IFT74: variants seen among roughly 807,000 people sequenced by gnomAD.
The protein encoded by IFT74 is intraflagellar transport protein 74 homolog.
A neutral mutation model predicts 96.7 loss-of-function variants in IFT74; 92 were observed. The observed-to-expected ratio is 0.95, with a 90% CI of 0.80 to 1.13. IFT74 has a LOEUF of 1.13. Ranked by LOEUF, IFT74 falls within the 50% of genes most tolerant of loss-of-function variation. IFT74 has a pLI of 0.00. For missense variants in IFT74, 811 were observed against 698.2 expected (o/e 1.16, Z -1.82); for synonymous variants, 223 against 213.2 (o/e 1.05, Z -0.40).
chr9:27,032,048 A>G (rs1296384507), intron 13 of IFT74, among the ~76,000 whole-genome samples: 2 of 152,156 alleles, frequency 1.3e-5, no homozygotes, highest in African/African-American at 4.8e-5. Flanking sequence ...TACATTGAAT[A>G]AATTCTATAA....
intron 1 of IFT74, among the ~76,000 whole-genome samples, chr9:26,958,128 TACAA>T (rs1340782806): frequency 1.3e-5 from 2 of 152,188 alleles, no homozygotes; most frequent in Non-Finnish European, 2.9e-5. Context: ...ATTTAAAAGA[TACAA>T]GAGAGAACAA....
intron 1 of IFT74, among the ~76,000 whole-genome samples, chr9:26,947,817 T>C (rs1018180165): frequency 6.6e-6 from 1 of 152,200 alleles, no homozygotes; most frequent in South Asian, 2.1e-4. Context: ...TTTAAAGGTA[T>C]AACTACTTTT....
At position 26,969,794 on chromosome 9, in the gene IFT74, C is replaced by T. The variant is rs565647537; in HGVS notation, c.120+7707C>T. 1.3e-3 allele frequency among the ~76,000 whole-genome samples: 197 copies of T among 152,110 alleles called. 1 individual carries two copies. Among genetic ancestry groups the T allele is most frequent in the Non-Finnish European group, 2.5e-3 (172 of 67,960 alleles). ...GCGTTTTTGTGATACTGTATATCCA[C>T]CTTTAATTTCTATGTTGAAGACCCC... On this transcript the variant is annotated intron_variant, in intron 2 of 19. Coordinates refer to ENST00000380062, the MANE Select transcript of IFT74 (RefSeq NM_025103.4).
intron 8 of IFT74, among the ~76,000 whole-genome samples, chr9:27,005,918 C>T (rs1405399057): frequency 6.6e-6 from 1 of 152,134 alleles, no homozygotes; most frequent in Non-Finnish European, 1.5e-5. Context: ...CGGCTCAATG[C>T]AACCTCCACC....
At chr9:26,993,049 A>T (rs1329026690) in intron 8 of IFT74, 1 of 152,226 alleles carries the variant, frequency 6.6e-6, no homozygotes, top group Admixed American at 6.5e-5. Context: ...TGAACTAATG[A>T]TTCTCTTCTA....
chr9:27,051,695 G>C (rs2131694317), intron 16 of IFT74, among the ~76,000 whole-genome samples: 1 of 152,296 alleles, frequency 6.6e-6, no homozygotes, highest in Middle Eastern at 3.4e-3. Context: ...TTTTGGGACT[G>C]ACTTAGTTCA....
intron 12 of IFT74, among the ~76,000 whole-genome samples, chr9:27,019,530 A>T (rs756898824): frequency 6.6e-6 from 1 of 151,926 alleles, no homozygotes; most frequent in African/African-American, 2.4e-5. Context: ...AAACTAAGAC[A>T]AATGGAATAT....
intron 15 of IFT74, 65 bp downstream of exon 15, chr9:27,047,436 A>G (rs759900910): frequency 6.4e-6 from 6 of 943,220 alleles, no homozygotes; most frequent in Non-Finnish European, 9.7e-6. Context: ...TCCAAATACA[A>G]CTCAAAAAAT....
chr9:27,022,555 A>G (rs1829660440), intron 12 of IFT74, among the ~76,000 whole-genome samples: 1 of 152,070 alleles, frequency 6.6e-6, no homozygotes, highest in Non-Finnish European at 1.5e-5. Context: ...CTTTTGGGTT[A>G]GGCATATTCC....
chr9:27,028,144 C>G (rs927657685), intron 12 of IFT74, among the ~76,000 whole-genome samples: 25 of 152,064 alleles, frequency 1.6e-4, no homozygotes, highest in African/African-American at 5.6e-4. Flanking sequence ...CAATTTTAGT[C>G]CATTGATATA....
chr9:27,020,571 T>A (rs1829553752), intron 12 of IFT74, among the ~76,000 whole-genome samples: 1 of 151,230 alleles, frequency 6.6e-6, no homozygotes, highest in Admixed American at 6.6e-5. Flanking sequence ...TCCTCCCAGG[T>A]TCATGCCATT....
chr9:26,975,076 G>A (rs1827050415), intron 2 of IFT74, among the ~76,000 whole-genome samples: 3 of 147,798 alleles, frequency 2.0e-5, no homozygotes, highest in Admixed American at 1.4e-4. Context: ...CCAAAGTCAG[G>A]GTTATAAGGA....
intron 4 of IFT74, among the ~76,000 whole-genome samples, chr9:26,983,286 A>G (rs984911964): frequency 6.6e-6 from 1 of 152,226 alleles, no homozygotes; most frequent in African/African-American, 2.4e-5. Flanking sequence ...GAAAGGAAAT[A>G]TAGTTATTCC....
intron 13 of IFT74, among the ~76,000 whole-genome samples, chr9:27,043,977 C>T (rs1819586734): frequency 6.6e-6 from 1 of 152,178 alleles, no homozygotes; most frequent in Admixed American, 6.5e-5. Context: ...TATTTCATCT[C>T]CCTGGTTAAA....
chr9:26,995,659 G>T lies in IFT74; in HGVS notation c.587+5464G>T, dbSNP rs778861881. ...TTGTTTCTGGTATCTGTGAAAGAGA[G>T]CTTGGATTTCCAGTAAAACCATCTT... is the stretch of plus-strand genomic sequence containing the variant. On this transcript the variant is annotated intron_variant, in intron 8 of 19. Transcript: ENST00000380062. The T allele has an allele frequency of 3.1e-6, 5 of 1,613,846 alleles. No individual in the cohort carries two copies. The East Asian group carries it at 1.1e-4, about 36-fold the overall frequency.
chr9:26,957,756 A>T (rs1826177815), intron 1 of IFT74, among the ~76,000 whole-genome samples: 1 of 152,188 alleles, frequency 6.6e-6, no homozygotes, highest in Non-Finnish European at 1.5e-5. Context: ...CATAGAGTGT[A>T]GAAACAGAGA....
At chr9:27,012,233 T>G (rs1019275351) in intron 10 of IFT74, among the ~76,000 whole-genome samples, 1 of 152,126 alleles carries the variant, frequency 6.6e-6, no homozygotes, top group Non-Finnish European at 1.5e-5. Flanking sequence ...AAAAAAATTA[T>G]TTTTTTAGAG....
chr9:27,036,861 T>A, intron 13 of IFT74: 1 of 1,013,080 alleles, frequency 9.9e-7, no homozygotes, highest in Admixed American at 5.8e-5. Flanking sequence ...CTGACATTTG[T>A]GGAAGTTTTA....
At chr9:27,031,860 A>G (rs1339332341) in intron 13 of IFT74, among the ~76,000 whole-genome samples, 1 of 152,106 alleles carries the variant, frequency 6.6e-6, no homozygotes, top group East Asian at 1.9e-4. Flanking sequence ...GGTGCACACC[A>G]CCATGCCCAG....
Sources: gnomAD v4.1 joint callset for allele counts (sites outside exome capture counted in the v4.1 genomes callset) on GRCh38, gnomAD v4.1.1 for gene constraint, MANE v1.5 for transcripts, NCBI Gene and HGNC (gene_info 2026-07-23, HGNC 2026-07-21) for gene names.